HIF1AN: variants seen among roughly 807,000 people sequenced by gnomAD.
HIF1AN encodes hypoxia-inducible factor 1-alpha inhibitor.
A neutral mutation model predicts 47.7 loss-of-function variants in HIF1AN; 21 were observed. The observed-to-expected ratio is 0.44, with a 90% CI of 0.31 to 0.63. The LOEUF is 0.63. Ranked by LOEUF, HIF1AN falls within the 30% of genes least tolerant of loss-of-function variation. The pLI is 0.07. For missense variants in HIF1AN, 320 were observed against 432.7 expected (o/e 0.74, Z 2.31); for synonymous variants, 152 against 155.9 (o/e 0.98, Z 0.18).
chr10:100,545,596 T>C (rs1843085860), intron 4 of HIF1AN: 1 of 231,696 alleles, frequency 4.3e-6, no homozygotes, highest in Non-Finnish European at 8.3e-6. Flanking sequence ...TGTGGGAGTC[T>C]TTGCTGGTTA....
chr10:100,546,123 G>A (rs1394874709), intron 5 of HIF1AN, 74 bp downstream of exon 5: 7 of 1,038,736 alleles, frequency 6.7e-6, no homozygotes, highest in East Asian at 2.4e-5. Flanking sequence ...TGTCTGTGTC[G>A]CTTCTGAGTT....
chr10:100,538,905 CTTTTTTTT>C lies in HIF1AN; in HGVS notation c.429-1718_429-1711del, dbSNP rs371921651. On this transcript the variant is annotated intron_variant, in intron 2 of 7. Transcript: ENST00000299163. Reference sequence around the variant, plus strand: ...TGAGATGAGATGCCTTTGAACCTTTCTTTTTTTTTTTTTTTTTTGAGACAGGGTCTTGC... The same window carrying C: ...TGAGATGAGATGCCTTTGAACCTTTCTTTTTTTTTTGAGACAGGGTCTTGC... Among the ~76,000 whole-genome samples the C allele has an allele frequency of 2.0e-3, 226 of 112,772 alleles. 1 individual carries two copies. Among genetic ancestry groups the C allele is most frequent in the African/African-American group, 6.9e-3 (207 of 30,094 alleles). The allele number at this position is 112,772 out of a possible 152,430, so 74.0% of individuals were successfully genotyped here. A position where few individuals can be genotyped will look rare whatever the true frequency, so the allele number is the denominator to read the frequency against.
chr10:100,544,727 T>C (rs1300074661), intron 3 of HIF1AN, among the ~76,000 whole-genome samples: 3 of 152,246 alleles, frequency 2.0e-5, no homozygotes, highest in African/African-American at 4.8e-5. Flanking sequence ...ACTTAGCTGA[T>C]AGTGGACCCT....
intron 3 of HIF1AN, among the ~76,000 whole-genome samples, 166 bp from the exon 4 acceptor site, chr10:100,544,785 A>G (rs1843078481): frequency 6.6e-6 from 1 of 152,188 alleles, no homozygotes; most frequent in Non-Finnish European, 1.5e-5. Context: ...CTTAACACCT[A>G]ATTTTCTGAG....
At chr10:100,540,161 CT>C (rs71976123) in intron 2 of HIF1AN, among the ~76,000 whole-genome samples, 30,741 of 143,310 alleles carry the variant, frequency 0.21, 3,194 homozygotes, top group South Asian at 0.24. Flanking sequence ...TCTCCAGGTT[CT>C]TTTTTTTTTT....
rs146360800 is a variant in HIF1AN at position 100,536,618 on chromosome 10, G to T, written c.385G>T (p.Val129Phe). ...GGAAGAAATGAAATTTCATGAGTTCGTTGAGAAACTGCAGGATATACAGCA... is the reference window on the plus strand; with the variant it reads ...GGAAGAAATGAAATTTCATGAGTTCTTTGAGAAACTGCAGGATATACAGCA... Reference protein sequence around the residue: ...NREEMKFHEFVEKLQDIQQRG... With the variant: ...NREEMKFHEFFEKLQDIQQRG... The change falls in exon 2 of 8, where the codon GTT (valine) becomes TTT (phenylalanine). Residue 129 changes from valine to phenylalanine, a missense_variant. Val to Phe is a conservative substitution (Grantham distance 50, BLOSUM62 -1). This residue lies in a region of HIF1AN where 161 missense variants were observed against 272.8 expected (regional missense o/e 0.59). Transcript: ENST00000299163. 3.7e-6 allele frequency: 6 copies of T among 1,614,194 alleles called. No homozygotes were observed. The African/African-American group carries it at 8.0e-5, about 22-fold the overall frequency.
At chr10:100,541,435 G>A (rs1420427970) in intron 3 of HIF1AN, among the ~76,000 whole-genome samples, 1 of 152,146 alleles carries the variant, frequency 6.6e-6, no homozygotes, top group Non-Finnish European at 1.5e-5. Flanking sequence ...ATAATGTCTT[G>A]TAAATAGTTG....
At chr10:100,542,490 A>G (rs1589752112) in intron 3 of HIF1AN, among the ~76,000 whole-genome samples, 1 of 152,030 alleles carries the variant, frequency 6.6e-6, no homozygotes, top group South Asian at 2.1e-4. Flanking sequence ...AGTAGCTGGG[A>G]CTACGGGCGC....
At position 100,550,224 on chromosome 10, in the gene HIF1AN, C is replaced by T. The variant is rs572028985; in HGVS notation, c.*2087C>T. 1.3e-5 allele frequency: 2 copies of T among 152,334 alleles called. No homozygotes were observed. The highest frequency in any genetic ancestry group is 2.9e-5 in the Non-Finnish European group (2 of 68,048). The allele number at this position is 152,334 out of a possible 1,614,324, so 9.4% of individuals were successfully genotyped here. A position where few individuals can be genotyped will look rare whatever the true frequency, so the allele number is the denominator to read the frequency against. ...CTGAGTTATTTGCTGACACAGGTCT[C>T]ACTAAGGTGGCTGAGGGGTGGGAGG... On this transcript the variant is annotated 3_prime_UTR_variant, in exon 8 of 8. Transcript: ENST00000299163.
intron 5 of HIF1AN, 61 bp from the exon 6 acceptor site, chr10:100,546,457 C>CGGG: frequency 1.8e-6 from 1 of 540,716 alleles, no homozygotes; most frequent in Non-Finnish European, 3.3e-6. Flanking sequence ...CCCCGCACTT[C>CGGG]GCCCCTCCGC....
Position 100,550,811 on chromosome 10 carries a change from G to C in HIF1AN, c.*2674G>C, listed in dbSNP as rs1843150392. The C allele has an allele frequency of 6.6e-6, 1 of 152,232 alleles. No individual in the cohort carries two copies. The highest frequency in any genetic ancestry group is 2.4e-5 in the African/African-American group (1 of 41,452). 9.4% of individuals were successfully genotyped at this position (152,232 alleles called of 1,614,324 possible). ...TTGCATCTATAGAACTGAAGCTGTA[G>C]TTCTAGATGGCACTAAGGGTCTTGG... On this transcript the variant is annotated 3_prime_UTR_variant, in exon 8 of 8. Coordinates refer to ENST00000299163, the MANE Select transcript of HIF1AN (RefSeq NM_017902.3).
rs1436425698 is a variant in HIF1AN, at chr10:100,556,894, G to C, written c.*8757G>C. On this transcript the variant is annotated 3_prime_UTR_variant, in exon 8 of 8. Coordinates refer to ENST00000299163, the MANE Select transcript of HIF1AN (RefSeq NM_017902.3). ...GAAAATGTTTTATTATGAAGACCAA[G>C]TGTCTCTGAAAAGTGTTTCCTTAGT... 6.6e-6 allele frequency: 1 copy of C among 152,210 alleles called. No homozygotes were observed. Among genetic ancestry groups the C allele is most frequent in the Non-Finnish European group, 1.5e-5 (1 of 68,040 alleles). 9.4% of individuals were successfully genotyped at this position (152,210 alleles called of 1,614,324 possible). A position where few individuals can be genotyped will look rare whatever the true frequency, so the allele number is the denominator to read the frequency against.
intron 5 of HIF1AN, 75 bp from the exon 6 acceptor site, chr10:100,546,443 A>AACCCC: frequency 2.2e-6 from 1 of 454,840 alleles, no homozygotes. Context: ...CAACCCTGCC[A>AACCCC]CCCCCCCGCA....
intron 7 of HIF1AN, 52 bp downstream of exon 7, chr10:100,547,302 A>G (rs780970749): frequency 5.5e-6 from 6 of 1,081,478 alleles, no homozygotes; most frequent in South Asian, 5.1e-5. Flanking sequence ...AAGGAAAGTC[A>G]GGATCAGAGC....
At chr10:100,545,862 T>A (rs1843088465) in intron 4 of HIF1AN, 81 bp from the exon 5 acceptor site, 1 of 881,632 alleles carries the variant, frequency 1.1e-6, no homozygotes, top group South Asian at 1.5e-5. Context: ...TGTTTGTTTT[T>A]ACTGCCAAAC....
intron 6 of HIF1AN, 126 bp downstream of exon 6, chr10:100,546,707 G>C (rs1843097449): frequency 9.4e-6 from 7 of 745,076 alleles, no homozygotes; most frequent in Admixed American, 9.2e-5. Flanking sequence ...TGTCTGGGGA[G>C]ATGAAAGGGA....
chr10:100,537,382 C>T (rs1852237511), intron 2 of HIF1AN, among the ~76,000 whole-genome samples: 2 of 152,172 alleles, frequency 1.3e-5, no homozygotes, highest in South Asian at 4.1e-4. Flanking sequence ...ATGTTTGTCA[C>T]TGGATTTAGC....
chr10:100,537,492 A>G (rs1852238789), intron 2 of HIF1AN, among the ~76,000 whole-genome samples: 1 of 152,220 alleles, frequency 6.6e-6, no homozygotes, highest in Admixed American at 6.5e-5. Context: ...TCTGCAGTAA[A>G]GAAGGTTAGG....
chr10:100,542,773 G>A (rs1843051864), intron 3 of HIF1AN, among the ~76,000 whole-genome samples: 1 of 151,282 alleles, frequency 6.6e-6, no homozygotes, highest in Admixed American at 6.6e-5. Context: ...CTCCCTGGAG[G>A]TACTGCATAT....
Sources: allele counts gnomAD v4.1 joint callset (sites outside exome capture counted in the v4.1 genomes callset), GRCh38; gene constraint gnomAD v4.1.1; regional missense constraint gnomAD v4.1.1; transcripts MANE v1.5; gene names NCBI Gene and HGNC (gene_info 2026-07-23, HGNC 2026-07-21).